Variants in CHSY3 observed in about 807,000 individuals in gnomAD.
CHSY3 encodes chondroitin sulfate synthase 3.
In CHSY3, 35 loss-of-function variants were observed where a neutral mutation model predicts 67.2. That is an observed-to-expected ratio of 0.52 (90% CI 0.40 to 0.69). CHSY3 has a LOEUF of 0.69. Ranked by LOEUF, CHSY3 falls within the 30% of genes least tolerant of loss-of-function variation. The pLI is 0.00. For synonymous variants in CHSY3, 474 were observed against 434.7 expected, an observed-to-expected ratio of 1.09 and a Z score of -1.12; for missense variants, 1,069 against 1,138.5, an observed-to-expected ratio of 0.94 and a Z score of 0.88.
intron 2 of CHSY3, among the ~76,000 whole-genome samples, chr5:130,043,385 A>G (rs1356691504): frequency 1.3e-5 from 2 of 152,104 alleles, no homozygotes; most frequent in Non-Finnish European, 2.9e-5. Flanking sequence ...TTCCCTGAGA[A>G]TAGATTTCAA....
intron 2 of CHSY3, among the ~76,000 whole-genome samples, chr5:129,952,123 T>G (rs1253438123): frequency 6.6e-6 from 1 of 152,144 alleles, no homozygotes; most frequent in Non-Finnish European, 1.5e-5. Flanking sequence ...TGAGAGGTTT[T>G]AAGGCAGTCA....
chr5:130,063,930 T>C (rs995080993), intron 2 of CHSY3, among the ~76,000 whole-genome samples: 6 of 152,104 alleles, frequency 3.9e-5, no homozygotes, highest in African/African-American at 1.4e-4. Context: ...AACATCTGGA[T>C]TTTGGAAGGA....
At chr5:130,039,216 A>G (rs957562412) in intron 2 of CHSY3, among the ~76,000 whole-genome samples, 1 of 152,168 alleles carries the variant, frequency 6.6e-6, no homozygotes, top group South Asian at 2.1e-4. Context: ...GATAATTTGG[A>G]TTAAAAATAG....
intron 2 of CHSY3, among the ~76,000 whole-genome samples, chr5:130,151,719 C>A (rs1445951949): frequency 6.6e-6 from 1 of 152,054 alleles, no homozygotes; most frequent in Non-Finnish European, 1.5e-5. Context: ...ATAAAACTAC[C>A]AGATCTTATG....
chr5:130,018,648 T>C (rs536192638), intron 2 of CHSY3, among the ~76,000 whole-genome samples: 1 of 152,314 alleles, frequency 6.6e-6, no homozygotes, highest in South Asian at 2.1e-4. Flanking sequence ...GTCAGCCTTG[T>C]CGATGTATTG....
Position 130,000,861 on chromosome 5 carries a change from G to A in CHSY3, c.1086+92501G>A, listed in dbSNP as rs532260496. Among the ~76,000 whole-genome samples the A allele has an allele frequency of 2.2e-5, 3 of 134,714 alleles. No individual in the cohort carries two copies. The South Asian group carries it at 7.6e-4, about 34-fold the overall frequency. The allele number at this position is 134,714 out of a possible 152,430, so 88.4% of individuals were successfully genotyped here. A position where few individuals can be genotyped will look rare whatever the true frequency, so the allele number is the denominator to read the frequency against. On this transcript the variant is annotated intron_variant, in intron 2 of 2. Coordinates refer to ENST00000305031, the MANE Select transcript of CHSY3 (RefSeq NM_175856.5). ...CAAAGTGCTGGGATTACAGGCTAGG[G>A]CACAGCACCAGCCAGCCTGTCTTCT...
chr5:129,991,489 G>A (rs1270522157), intron 2 of CHSY3, among the ~76,000 whole-genome samples: 1 of 152,104 alleles, frequency 6.6e-6, no homozygotes, highest in Non-Finnish European at 1.5e-5. Flanking sequence ...ATAAAGCAGT[G>A]ATAGTGCTGA....
Position 130,184,713 on chromosome 5 carries a change from A to C in CHSY3, c.1571A>C (p.Tyr524Ser). 1 of 1,609,798 alleles carries C rather than the reference A, an allele frequency of 6.2e-7. No individual in the cohort carries two copies. Among genetic ancestry groups the C allele is most frequent in the Non-Finnish European group, 8.5e-7 (1 of 1,176,042 alleles). The part of the protein sequence containing the change: ...GRLIDFKEIQ[Y>S]GYRRVNPMHG... ...CTCATTGACTTCAAGGAAATTCAGTATGGCTACCGCAGAGTTAACCCCATG... is the reference window on the plus strand; with the variant it reads ...CTCATTGACTTCAAGGAAATTCAGTCTGGCTACCGCAGAGTTAACCCCATG... The change falls in exon 3 of 3, where the codon TAT becomes TCT. Residue 524 changes from tyrosine to serine, a missense_variant. This residue lies in a region of CHSY3 where 401 missense variants were observed against 395.2 expected (regional missense o/e 1.01). Transcript: ENST00000305031.
rs531983214 is a variant in CHSY3, at chr5:129,965,409, T to C, written c.1086+57049T>C. 3.3e-5 allele frequency among the ~76,000 whole-genome samples: 5 copies of C among 152,072 alleles called. No homozygotes were observed. The South Asian group carries it at 8.3e-4, about 25-fold the overall frequency. ...TACATTTCCGTATAATACAGTATGA[T>C]GTGGAGCTGATCAAAAGTTTGCTTT... On this transcript the variant is annotated intron_variant, in intron 2 of 2. Transcript: ENST00000305031.
chr5:130,143,820 A>ATATG lies in CHSY3; in HGVS notation c.1087-40406_1087-40405insGTAT, dbSNP rs1222081228. On this transcript the variant is annotated intron_variant, in intron 2 of 2. Coordinates refer to ENST00000305031, the MANE Select transcript of CHSY3 (RefSeq NM_175856.5). ...TATATATATATGTGTGTATATATAT[A>ATATG]TATATATATATATATATATATATAT... 4.0e-5 allele frequency among the ~76,000 whole-genome samples: 5 copies of ATATG among 124,190 alleles called. No homozygotes were observed. The Admixed American group carries it at 4.1e-4, about 10-fold the overall frequency. The allele number at this position is 124,190 out of a possible 152,430, so 81.5% of individuals were successfully genotyped here.
chr5:129,921,245 A>G (rs1277409481), intron 2 of CHSY3, among the ~76,000 whole-genome samples: 1 of 152,178 alleles, frequency 6.6e-6, no homozygotes, highest in Non-Finnish European at 1.5e-5. Context: ...ATTAAGTAAA[A>G]CATGTACTAT....
intron 2 of CHSY3, among the ~76,000 whole-genome samples, chr5:130,147,178 G>A (rs1769099472): frequency 6.6e-6 from 1 of 152,130 alleles, no homozygotes; most frequent in Non-Finnish European, 1.5e-5. Flanking sequence ...AAAGGTTAAA[G>A]CATTTGTATA....
At chr5:130,100,742 CCAGT>C (rs1288870152) in intron 2 of CHSY3, among the ~76,000 whole-genome samples, 8 of 152,196 alleles carry the variant, frequency 5.3e-5, no homozygotes, top group Admixed American at 3.3e-4. Flanking sequence ...GTAAATGTTA[CCAGT>C]CAAAGGAAAA....
intron 2 of CHSY3, among the ~76,000 whole-genome samples, chr5:130,027,472 T>A (rs187552873): frequency 5.3e-5 from 8 of 152,208 alleles, no homozygotes; most frequent in African/African-American, 1.4e-4. Context: ...ATATATTTTT[T>A]AATTTTATTC....
intron 2 of CHSY3, among the ~76,000 whole-genome samples, chr5:130,173,658 A>G (rs1769961605): frequency 6.6e-6 from 1 of 152,188 alleles, no homozygotes; most frequent in Non-Finnish European, 1.5e-5. Flanking sequence ...AAATATGCAT[A>G]CAGGATATGA....
intron 2 of CHSY3, among the ~76,000 whole-genome samples, chr5:130,101,188 C>A (rs536925759): frequency 2.0e-5 from 3 of 152,316 alleles, no homozygotes; most frequent in African/African-American, 7.2e-5. Context: ...GATAAACCAT[C>A]CGAGTATTTT....
At chr5:130,074,602 A>G (rs1766192018) in intron 2 of CHSY3, among the ~76,000 whole-genome samples, 2 of 152,202 alleles carry the variant, frequency 1.3e-5, no homozygotes, top group African/African-American at 2.4e-5. Flanking sequence ...CAACTATTTA[A>G]CATGGGAAAT....
intron 2 of CHSY3, among the ~76,000 whole-genome samples, chr5:129,929,992 G>A (rs1173377536): frequency 6.6e-6 from 1 of 152,126 alleles, no homozygotes; most frequent in Non-Finnish European, 1.5e-5. Context: ...GGACATCAGA[G>A]TATACCTGAA....
chr5:130,179,988 C>T (rs561491332), intron 2 of CHSY3, among the ~76,000 whole-genome samples: 49 of 152,324 alleles, frequency 3.2e-4, no homozygotes, highest in African/African-American at 1.2e-3. Context: ...GTCTTTTCTA[C>T]TTCTCTGAAA....
Sources: allele counts gnomAD v4.1 joint callset (sites outside exome capture counted in the v4.1 genomes callset), GRCh38; gene constraint gnomAD v4.1.1; regional missense constraint gnomAD v4.1.1; transcripts MANE v1.5; gene names NCBI Gene and HGNC (gene_info 2026-07-23, HGNC 2026-07-21).